Variants in DNAJC6 observed in about 807,000 individuals in gnomAD.
The protein encoded by DNAJC6 is DnaJ heat shock protein family (Hsp40) member C6.
DNAJC6 carries 34 observed loss-of-function variants against 110.0 expected under a neutral mutation model. That is an observed-to-expected ratio of 0.31 (90% CI 0.24 to 0.41). The LOEUF is 0.41. Among genes scored for constraint, DNAJC6 ranks in the 10% least tolerant of loss-of-function variants. DNAJC6 has a pLI of 1.00. For missense variants in DNAJC6, 1,031 were observed against 1,207.8 expected, an observed-to-expected ratio of 0.85 and a Z score of 2.17; for synonymous variants, 406 against 437.2, an observed-to-expected ratio of 0.93 and a Z score of 0.89.
chr1:65,392,272 G>A (rs941238069), intron 11 of DNAJC6, among the ~76,000 whole-genome samples, 159 bp from the exon 12 acceptor site: 2 of 152,184 alleles, frequency 1.3e-5, no homozygotes, highest in African/African-American at 2.4e-5. Flanking sequence ...TGAATGTAAC[G>A]TGAAATACAT....
chr1:65,330,286 G>C (rs1645275593), intron 1 of DNAJC6, among the ~76,000 whole-genome samples: 1 of 152,088 alleles, frequency 6.6e-6, no homozygotes, highest in Admixed American at 6.5e-5. Context: ...GTTTAATTCT[G>C]CAAACAATGA....
chr1:65,266,887 G>A (rs937130642), intron 1 of DNAJC6, among the ~76,000 whole-genome samples: 2 of 150,920 alleles, frequency 1.3e-5, no homozygotes, highest in African/African-American at 4.9e-5. Flanking sequence ...AAGGAGAGTT[G>A]GTATTTAGAA....
intron 1 of DNAJC6, among the ~76,000 whole-genome samples, chr1:65,281,606 G>GTT (rs201135715): frequency 6.7e-6 from 1 of 149,326 alleles, no homozygotes; most frequent in African/African-American, 2.5e-5. Context: ...ATTCCTTTTA[G>GTT]TTTTTTTTTT....
chr1:65,407,332 C>T (rs1490598035), intron 16 of DNAJC6, among the ~76,000 whole-genome samples: 1 of 152,164 alleles, frequency 6.6e-6, no homozygotes, highest in Non-Finnish European at 1.5e-5. Context: ...TTGGAACATA[C>T]CGCCTGTGAA....
chr1:65,327,230 G>GTACC (rs1275255454), intron 1 of DNAJC6, among the ~76,000 whole-genome samples: 1 of 152,140 alleles, frequency 6.6e-6, no homozygotes, highest in African/African-American at 2.4e-5. Flanking sequence ...GAGCAGTTGA[G>GTACC]TACCTGCATA....
chr1:65,363,612 C>T (rs1216912955), intron 1 of DNAJC6, among the ~76,000 whole-genome samples: 1 of 152,124 alleles, frequency 6.6e-6, no homozygotes, highest in Admixed American at 6.6e-5. Flanking sequence ...TTGCCAATCT[C>T]TGGAGACATT....
intron 1 of DNAJC6, among the ~76,000 whole-genome samples, chr1:65,336,124 A>G (rs1161989845): frequency 1.3e-5 from 2 of 152,148 alleles, no homozygotes; most frequent in African/African-American, 2.4e-5. Context: ...GGTTTAATTG[A>G]CTCACAGTTC....
chr1:65,399,143 A>G (rs1167108476), intron 14 of DNAJC6, among the ~76,000 whole-genome samples: 3 of 152,188 alleles, frequency 2.0e-5, no homozygotes, highest in East Asian at 1.9e-4. Context: ...ATATAAATAT[A>G]TATCAAACTC....
chr1:65,392,739 C>T lies in DNAJC6; in HGVS notation c.1777C>T (p.Pro593Ser). ...DLFGGGGAAG[P>S]TQAGQSGVED... is the part of the protein sequence containing the mutation. ...GTTTGGGGGTGGAGGTGCAGCTGGT[C>T]CCACCCAGGCTGGACAGTCAGGAGT... Residue 593 changes from proline to serine, a missense_variant, in exon 12 of 19, where the codon CCC becomes TCC. By Grantham distance (74) the Pro-to-Ser change is moderately conservative. Coordinates refer to ENST00000371069, the MANE Select transcript of DNAJC6 (RefSeq NM_001256864.2). 6.2e-7 allele frequency: 1 copy of T among 1,612,878 alleles called. No homozygotes were observed. Among genetic ancestry groups the T allele is most frequent in the Non-Finnish European group, 8.5e-7 (1 of 1,179,480 alleles).
intron 1 of DNAJC6, among the ~76,000 whole-genome samples, chr1:65,317,779 C>A (rs1045235319): frequency 7.2e-5 from 11 of 152,018 alleles, no homozygotes; most frequent in Non-Finnish European, 1.0e-4. Flanking sequence ...TGACAAAAGT[C>A]AGGGTGAATA....
At chr1:65,398,606 C>G (rs1359962135) in intron 13 of DNAJC6, among the ~76,000 whole-genome samples, 1 of 152,206 alleles carries the variant, frequency 6.6e-6, no homozygotes, top group Non-Finnish European at 1.5e-5. Context: ...TCGTTTCTGT[C>G]AAGCCTCATG....
intron 15 of DNAJC6, among the ~76,000 whole-genome samples, chr1:65,403,191 G>A (rs892613683): frequency 2.6e-5 from 4 of 152,194 alleles, no homozygotes; most frequent in African/African-American, 9.7e-5. Flanking sequence ...ACTACTTAAA[G>A]TGTTTTACAT....
chr1:65,275,748 G>T (rs1253906185), intron 1 of DNAJC6, among the ~76,000 whole-genome samples: 2 of 151,510 alleles, frequency 1.3e-5, no homozygotes, highest in Non-Finnish European at 2.9e-5. Context: ...TGTATACTTA[G>T]CCCTTTTCTT....
rs145501615 is a variant in DNAJC6 at position 65,401,804 on chromosome 1, C to A, written c.2151C>A (p.Thr717=). The A allele has an allele frequency of 6.2e-7, 1 of 1,613,876 alleles. No individual in the cohort carries two copies. Among genetic ancestry groups the A allele is most frequent in the East Asian group, 2.2e-5 (1 of 44,852 alleles). ...MGSKSAATSP[T]GSSHGTPTHQ... Reference sequence around the variant, plus strand: ...GCAAGTCAGCTGCCACCAGCCCAACCGGATCCTCGCATGGTACTCCCACCC... The same window carrying A: ...GCAAGTCAGCTGCCACCAGCCCAACAGGATCCTCGCATGGTACTCCCACCC... Residue 717 remains threonine (T), a synonymous_variant, in exon 15 of 19, where the codon ACC becomes ACA. Coordinates refer to ENST00000371069, the MANE Select transcript of DNAJC6 (RefSeq NM_001256864.2).
At chr1:65,375,821 T>C (rs1645760715) in intron 4 of DNAJC6, among the ~76,000 whole-genome samples, 2 of 152,246 alleles carry the variant, frequency 1.3e-5, no homozygotes, top group East Asian at 3.8e-4. Context: ...TGTATCTGTG[T>C]TCTTCAGTGA....
At chr1:65,293,748 A>C (rs765028512) in intron 1 of DNAJC6, among the ~76,000 whole-genome samples, 1 of 152,196 alleles carries the variant, frequency 6.6e-6, no homozygotes, top group Non-Finnish European at 1.5e-5. Flanking sequence ...AATTATTGTT[A>C]ATATGTTGGT....
chr1:65,356,057 T>G (rs1645540577), intron 1 of DNAJC6, among the ~76,000 whole-genome samples: 1 of 152,100 alleles, frequency 6.6e-6, no homozygotes, highest in African/African-American at 2.4e-5. Flanking sequence ...AGGATCCAGA[T>G]CAGTTCTGGC....
At chr1:65,353,573 A>G (rs939832420) in intron 1 of DNAJC6, among the ~76,000 whole-genome samples, 3 of 152,240 alleles carry the variant, frequency 2.0e-5, no homozygotes, top group African/African-American at 4.8e-5. Flanking sequence ...GGTTGTGAAC[A>G]CTGTGCCCTA....
intron 1 of DNAJC6, among the ~76,000 whole-genome samples, chr1:65,315,511 ATATATG>A (rs1645141250): frequency 6.6e-6 from 1 of 152,202 alleles, no homozygotes; most frequent in Admixed American, 6.5e-5. Context: ...TGCTTTACAC[ATATATG>A]TATATGTATG....
Sources: allele counts gnomAD v4.1 joint callset (sites outside exome capture counted in the v4.1 genomes callset), GRCh38; gene constraint gnomAD v4.1.1; transcripts MANE v1.5; gene names NCBI Gene and HGNC (gene_info 2026-07-23, HGNC 2026-07-21).